HOMER1: variants seen among roughly 807,000 people sequenced by gnomAD.
The protein encoded by HOMER1 is homer protein homolog 1.
In HOMER1, 3 loss-of-function variants were observed where a neutral mutation model predicts 48.9. The observed-to-expected ratio is 0.06, with a 90% CI of 0.03 to 0.16. The LOEUF (loss-of-function observed/expected upper bound fraction) is 0.16. Ranked by LOEUF, HOMER1 falls within the 10% of genes least tolerant of loss-of-function variation. The probability of loss-of-function intolerance (pLI) is 1.00; values close to 1 mark genes in which losing one functional copy is unlikely to be tolerated. For synonymous variants in HOMER1, 134 were observed against 146.4 expected (o/e 0.92, Z 0.61); for missense variants, 247 against 411.4 (o/e 0.60, Z 3.46).
intron 1 of HOMER1, among the ~76,000 whole-genome samples, chr5:79,495,580 T>C (rs1752397971): frequency 6.6e-6 from 1 of 152,236 alleles, no homozygotes; most frequent in Non-Finnish European, 1.5e-5. Context: ...ACGACACAAA[T>C]TAAGTGCTTA....
intron 5 of HOMER1, among the ~76,000 whole-genome samples, chr5:79,403,002 C>T (rs771049365): frequency 4.6e-5 from 7 of 152,076 alleles, no homozygotes; most frequent in Non-Finnish European, 7.4e-5. Context: ...AAGCAATCAC[C>T]GTTTTTCCTC....
chr5:79,490,690 G>A (rs960133758), intron 1 of HOMER1, among the ~76,000 whole-genome samples: 11 of 151,256 alleles, frequency 7.3e-5, no homozygotes, highest in Non-Finnish European at 1.3e-4. Flanking sequence ...CCAGCACTTT[G>A]GAAAGCCAAG....
chr5:79,397,703 T>C, intron 6 of HOMER1, 66 bp from the exon 7 acceptor site: 2 of 839,926 alleles, frequency 2.4e-6, no homozygotes, highest in Non-Finnish European at 3.9e-6. Context: ...GCTAAATACA[T>C]AGCCCCAAAT....
chr5:79,502,459 T>C (rs1263179442), intron 1 of HOMER1, among the ~76,000 whole-genome samples: 2 of 152,130 alleles, frequency 1.3e-5, no homozygotes, highest in Admixed American at 6.5e-5. Context: ...ATAGAGAAAC[T>C]ACAAGATTGA....
intron 4 of HOMER1, among the ~76,000 whole-genome samples, chr5:79,440,407 A>C (rs1750707597): frequency 6.6e-6 from 1 of 152,244 alleles, no homozygotes; most frequent in Admixed American, 6.5e-5. Context: ...AAACTATACA[A>C]GCTGTTAAAG....
chr5:79,504,584 G>C (rs1016919258), intron 1 of HOMER1, among the ~76,000 whole-genome samples: 12 of 152,118 alleles, frequency 7.9e-5, no homozygotes, highest in African/African-American at 2.7e-4. Flanking sequence ...TGATAGTCAT[G>C]TCCTAAAGAT....
chr5:79,408,469 A>T (rs1027883998), intron 5 of HOMER1, among the ~76,000 whole-genome samples: 2 of 152,216 alleles, frequency 1.3e-5, no homozygotes, highest in Admixed American at 6.5e-5. Context: ...AAAATTATTA[A>T]AATGAAGATA....
At chr5:79,489,143 T>C (rs1294478292) in intron 1 of HOMER1, among the ~76,000 whole-genome samples, 1 of 152,138 alleles carries the variant, frequency 6.6e-6, no homozygotes, top group Non-Finnish European at 1.5e-5. Context: ...ATAATTACAA[T>C]ATGAGTGGAA....
chr5:79,409,428 C>CAAA (rs34814720), intron 5 of HOMER1, among the ~76,000 whole-genome samples: 25,235 of 119,216 alleles, frequency 0.21, 2,554 homozygotes, highest in South Asian at 0.33. Context: ...CAAGACGTCT[C>CAAA]AAAAAAAAAA....
intron 5 of HOMER1, among the ~76,000 whole-genome samples, chr5:79,405,513 C>T (rs1749640682): frequency 6.6e-6 from 1 of 152,290 alleles, no homozygotes; most frequent in Non-Finnish European, 1.5e-5. Context: ...GTGATGAGCT[C>T]TTCTTCTCAA....
rs529912543 is a variant in HOMER1, at chr5:79,381,215, C to G, written c.877-5018G>C. Among the ~76,000 whole-genome samples, 6 of 152,278 alleles carry G rather than the reference C, an allele frequency of 3.9e-5. No individual in the cohort carries two copies. The East Asian group carries it at 1.2e-3, about 29-fold the overall frequency. ...AGCCTCCACGAACTGCACCCTAAGC[C>G]ACTAAGAAAATCACAGGTACTATTG... On this transcript the variant is annotated intron_variant, in intron 8 of 8. Coordinates refer to ENST00000334082, the MANE Select transcript of HOMER1 (RefSeq NM_004272.5).
chr5:79,373,700 T>C lies in HOMER1; in HGVS notation c.*2309A>G, dbSNP rs1748689997. 2 of 151,968 alleles carry C rather than the reference T, an allele frequency of 1.3e-5. No homozygotes were observed. The highest frequency in any genetic ancestry group is 2.4e-5 in the African/African-American group (1 of 41,424). 9.4% of individuals were successfully genotyped at this position (151,968 alleles called of 1,614,324 possible). ...TTATCCCATATACTGTACATGTCTA[T>C]TGACAATCTGGGAATTTAAAGGTGC... On this transcript the variant is annotated 3_prime_UTR_variant, in exon 9 of 9. Transcript: ENST00000334082.
intron 5 of HOMER1, among the ~76,000 whole-genome samples, chr5:79,411,431 G>A (rs916310027): frequency 2.6e-5 from 4 of 152,174 alleles, no homozygotes; most frequent in African/African-American, 9.7e-5. Context: ...GCTGCAGTGA[G>A]TCAAGATGGC....
At chr5:79,398,208 A>C (rs930048662) in intron 6 of HOMER1, among the ~76,000 whole-genome samples, 2 of 152,080 alleles carry the variant, frequency 1.3e-5, no homozygotes, top group African/African-American at 4.8e-5. Flanking sequence ...TATAACTTTT[A>C]ATGAGCACTT....
chr5:79,467,956 T>A (rs1160927182), intron 1 of HOMER1, among the ~76,000 whole-genome samples: 1 of 152,056 alleles, frequency 6.6e-6, no homozygotes, highest in African/African-American at 2.4e-5. Flanking sequence ...TTTTTTAGTT[T>A]CTAGAGATGG....
At chr5:79,404,957 C>T (rs946904348) in intron 5 of HOMER1, among the ~76,000 whole-genome samples, 7 of 151,980 alleles carry the variant, frequency 4.6e-5, no homozygotes, top group Admixed American at 2.6e-4. Flanking sequence ...GATCCACCCG[C>T]CTCGGCCTTC....
chr5:79,465,841 C>T (rs1751450570), intron 1 of HOMER1, among the ~76,000 whole-genome samples: 1 of 152,014 alleles, frequency 6.6e-6, no homozygotes, highest in South Asian at 2.1e-4. Context: ...GATCCGCCGG[C>T]CTCAGCCTCA....
chr5:79,486,970 TGTAATA>T (rs1752122402), intron 1 of HOMER1, among the ~76,000 whole-genome samples: 1 of 152,152 alleles, frequency 6.6e-6, no homozygotes, highest in Admixed American at 6.5e-5. Context: ...AGACCCAAAA[TGTAATA>T]GTTCATTGAA....
At chr5:79,487,304 A>G (rs1752135769) in intron 1 of HOMER1, among the ~76,000 whole-genome samples, 1 of 152,034 alleles carries the variant, frequency 6.6e-6, no homozygotes, top group South Asian at 2.1e-4. Context: ...AGGAAAGAAT[A>G]CGTTTCATAA....
Sources: gnomAD v4.1 joint callset for allele counts (sites outside exome capture counted in the v4.1 genomes callset) on GRCh38, gnomAD v4.1.1 for gene constraint, MANE v1.5 for transcripts, NCBI Gene and HGNC (gene_info 2026-07-23, HGNC 2026-07-21) for gene names.